Variants in AFF2 observed in about 807,000 individuals in gnomAD.
AFF2 encodes AF4/FMR2 family member 2.
In AFF2, 14 loss-of-function variants were observed where a neutral mutation model predicts 76.9. That is an observed-to-expected ratio of 0.18 (90% CI 0.12 to 0.28). The LOEUF is 0.28. Ranked by LOEUF, AFF2 falls within the 10% of genes least tolerant of loss-of-function variation. The pLI is 1.00. For synonymous variants in AFF2, 398 were observed against 366.7 expected, an observed-to-expected ratio of 1.09 and a Z score of -0.98; for missense variants, 868 against 1,001.1, an observed-to-expected ratio of 0.87 and a Z score of 1.79.
chrX:148,761,700 T>A (rs1459691932), intron 3 of AFF2, among the ~76,000 whole-genome samples: 1 of 110,840 alleles, frequency 9.0e-6, no homozygotes, highest in Non-Finnish European at 1.9e-5. Flanking sequence ...TTCTGTATCC[T>A]CATGGAATGT....
At chrX:148,645,305 A>G (rs1557255219) in intron 1 of AFF2, among the ~76,000 whole-genome samples, 1 of 112,266 alleles carries the variant, frequency 8.9e-6, no homozygotes, top group African/African-American at 3.2e-5. Flanking sequence ...TAACTATCAT[A>G]TGTAACCTTT....
intron 1 of AFF2, among the ~76,000 whole-genome samples, chrX:148,586,668 C>T (rs1247573112): frequency 8.9e-6 from 1 of 111,840 alleles, no homozygotes; most frequent in Non-Finnish European, 1.9e-5. Flanking sequence ...AGAGATGCTC[C>T]TCTGAATACT....
At chrX:148,578,464 G>A (rs781917858) in intron 1 of AFF2, among the ~76,000 whole-genome samples, 1 of 111,639 alleles carries the variant, frequency 9.0e-6, no homozygotes, top group East Asian at 2.8e-4. Context: ...ACACTAATAG[G>A]TGCGTTGAAG....
intron 11 of AFF2, among the ~76,000 whole-genome samples, chrX:148,958,031 T>C (rs1397361085): frequency 8.9e-6 from 1 of 112,049 alleles, no homozygotes; most frequent in Non-Finnish European, 1.9e-5. Flanking sequence ...ATGGGAGAAG[T>C]GTCCAAAAAT....
At chrX:148,700,910 C>T (rs1199713738) in intron 3 of AFF2, among the ~76,000 whole-genome samples, 1 of 110,115 alleles carries the variant, frequency 9.1e-6, no homozygotes, top group Non-Finnish European at 1.9e-5. Context: ...CTAGAATTCC[C>T]CTAATAAAAT....
At chrX:148,847,633 G>A (rs782193065) in intron 7 of AFF2, among the ~76,000 whole-genome samples, 155 of 111,766 alleles carry the variant, frequency 1.4e-3, no homozygotes, top group African/African-American at 4.8e-3. Flanking sequence ...AGGTCTTATG[G>A]AGACAGATTG....
intron 18 of AFF2, 58 bp downstream of exon 18, chrX:148,978,513 C>T (rs931786925): frequency 6.1e-5 from 51 of 831,919 alleles, no homozygotes; most frequent in Non-Finnish European, 8.2e-5. Context: ...TAATAAGACA[C>T]GACATGCAGG....
At chrX:148,985,713 A>G (rs2072462767) in intron 19 of AFF2, among the ~76,000 whole-genome samples, 1 of 110,113 alleles carries the variant, frequency 9.1e-6, no homozygotes, top group Non-Finnish European at 1.9e-5. Flanking sequence ...TCCCACTCCT[A>G]CCTTAAGAAT....
intron 1 of AFF2, among the ~76,000 whole-genome samples, chrX:148,602,649 G>A (rs2053637039): frequency 9.0e-6 from 1 of 110,627 alleles, no homozygotes; most frequent in African/African-American, 3.3e-5. Flanking sequence ...GAAATGACTT[G>A]AGAGTGATTG....
chrX:148,987,197 G>A (rs2072482121), intron 19 of AFF2, among the ~76,000 whole-genome samples, 170 bp from the exon 20 acceptor site: 1 of 111,499 alleles, frequency 9.0e-6, no homozygotes, highest in Non-Finnish European at 1.9e-5. Context: ...GAGTCAGTGG[G>A]ATGTCAGAAC....
In AFF2 at chrX:148,687,961, A is replaced by G. The variant is rs139853252; in HGVS notation, c.1041+25193A>G. ...TTGGATGTTCCCATTGGGACCTCAT[A>G]TTCATAATAATTAACACTGAACAGC... On this transcript the variant is annotated intron_variant, in intron 3 of 20. Transcript: ENST00000370460. Among the ~76,000 whole-genome samples the G allele has an allele frequency of 4.9e-3, 544 of 110,320 alleles. 4 individuals are homozygous for G. Among genetic ancestry groups the G allele is most frequent in the African/African-American group, 0.018 (535 of 30,278 alleles).
intron 13 of AFF2, among the ~76,000 whole-genome samples, chrX:148,965,595 A>T (rs1419581703): frequency 9.0e-6 from 1 of 111,414 alleles, no homozygotes; most frequent in Non-Finnish European, 1.9e-5. Flanking sequence ...GACAGGGAAG[A>T]CCATCCTGCC....
intron 1 of AFF2, among the ~76,000 whole-genome samples, chrX:148,501,858 G>A (rs1251272893): frequency 1.8e-5 from 2 of 112,049 alleles, no homozygotes; most frequent in African/African-American, 6.5e-5. Flanking sequence ...ACCCCCTTCG[G>A]CCTCCCACTG....
At chrX:148,811,112 T>C (rs1337025971) in intron 4 of AFF2, among the ~76,000 whole-genome samples, 7 of 111,577 alleles carry the variant, frequency 6.3e-5, no homozygotes, top group African/African-American at 2.3e-4. Flanking sequence ...TGATCAACGA[T>C]GAGACTATAT....
At chrX:148,595,351 G>T (rs1310971930) in intron 1 of AFF2, among the ~76,000 whole-genome samples, 1 of 111,774 alleles carries the variant, frequency 8.9e-6, no homozygotes, top group African/African-American at 3.3e-5. Flanking sequence ...GGAGAGGAAA[G>T]CATGTCTATA....
intron 3 of AFF2, among the ~76,000 whole-genome samples, chrX:148,763,015 C>T (rs1320747664): frequency 8.9e-6 from 1 of 112,212 alleles, no homozygotes; most frequent in African/African-American, 3.2e-5. Flanking sequence ...ACTTCTAGAA[C>T]TCTGTGTTTG....
intron 9 of AFF2, among the ~76,000 whole-genome samples, chrX:148,925,417 T>G (rs1036030840): frequency 3.5e-5 from 4 of 112,724 alleles, no homozygotes; most frequent in Admixed American, 9.3e-5. Context: ...CCTCAGCCTA[T>G]AGGACAACAT....
intron 3 of AFF2, among the ~76,000 whole-genome samples, chrX:148,664,210 A>C (rs2054335961): frequency 9.0e-6 from 1 of 111,346 alleles, no homozygotes; most frequent in Non-Finnish European, 1.9e-5. Context: ...CCTTCTCATC[A>C]CTTCCAGGGA....
At chrX:148,587,570 A>G (rs782535061) in intron 1 of AFF2, among the ~76,000 whole-genome samples, 2 of 112,162 alleles carry the variant, frequency 1.8e-5, no homozygotes, top group African/African-American at 6.5e-5. Flanking sequence ...TTAGAATACT[A>G]TATCTTGAAA....
Sources: allele counts gnomAD v4.1 joint callset (sites outside exome capture counted in the v4.1 genomes callset), GRCh38; gene constraint gnomAD v4.1.1; transcripts MANE v1.5; gene names NCBI Gene and HGNC (gene_info 2026-07-23, HGNC 2026-07-21).